Variants in SLIT2 observed in about 807,000 individuals in gnomAD.
SLIT2 encodes slit guidance ligand 2.
In SLIT2, 41 loss-of-function variants were observed where a neutral mutation model predicts 185.7. That is an observed-to-expected ratio of 0.22 (90% CI 0.17 to 0.29). The LOEUF is 0.29. SLIT2 is among the 10% of genes least tolerant of loss of function. The probability of loss-of-function intolerance (pLI) is 1.00; values close to 1 mark genes in which losing one functional copy is unlikely to be tolerated. For missense variants in SLIT2, 1,571 were observed against 1,909.0 expected (o/e 0.82, Z 3.30); for synonymous variants, 693 against 680.2 (o/e 1.02, Z -0.29).
chr4:20,587,719 GCAGAGTCC>G (rs1449454657), intron 29 of SLIT2, among the ~76,000 whole-genome samples: 1 of 152,168 alleles, frequency 6.6e-6, no homozygotes, highest in Non-Finnish European at 1.5e-5. Flanking sequence ...CTGATTAGGA[GCAGAGTCC>G]ATTACATTCA....
At chr4:20,300,579 C>T (rs983516187) in intron 4 of SLIT2, among the ~76,000 whole-genome samples, 2 of 149,416 alleles carry the variant, frequency 1.3e-5, no homozygotes, top group Non-Finnish European at 3.0e-5. Context: ...TTAGTTGTCT[C>T]GCACATGTAG....
At chr4:20,384,110 A>G (rs1724751263) in intron 4 of SLIT2, among the ~76,000 whole-genome samples, 1 of 152,052 alleles carries the variant, frequency 6.6e-6, no homozygotes, top group African/African-American at 2.4e-5. Context: ...TTAACAAAAA[A>G]TAATAGTCAA....
At chr4:20,332,864 C>CCTTACCAAACTTATACCAAA (rs1720187296) in intron 4 of SLIT2, among the ~76,000 whole-genome samples, 1 of 151,794 alleles carries the variant, frequency 6.6e-6, no homozygotes, top group African/African-American at 2.4e-5. Flanking sequence ...CCATTCTGGA[C>CCTTACCAAACTTATACCAAA]GTGGCATAAG....
intron 29 of SLIT2, among the ~76,000 whole-genome samples, chr4:20,578,975 G>T (rs1285344798): frequency 1.3e-5 from 2 of 152,080 alleles, no homozygotes; most frequent in Admixed American, 6.6e-5. Context: ...CCATTGCCCA[G>T]ATTTCTTGGT....
At chr4:20,446,636 G>A (rs939363388) in intron 4 of SLIT2, among the ~76,000 whole-genome samples, 4 of 151,860 alleles carry the variant, frequency 2.6e-5, no homozygotes, top group African/African-American at 9.7e-5. Context: ...AGAAATAAAA[G>A]AAAATATGCA....
intron 4 of SLIT2, among the ~76,000 whole-genome samples, chr4:20,326,419 A>G (rs1481744302): frequency 1.3e-5 from 2 of 152,154 alleles, no homozygotes; most frequent in South Asian, 2.1e-4. Flanking sequence ...GAACCCTTCC[A>G]TAGGCCCTAA....
intron 4 of SLIT2, among the ~76,000 whole-genome samples, chr4:20,270,544 T>C (rs1713492416): frequency 6.6e-6 from 1 of 151,998 alleles, no homozygotes; most frequent in Non-Finnish European, 1.5e-5. Context: ...CATTTCCTAA[T>C]TAATTAAATG....
chr4:20,588,219 C>T (rs987558675), intron 29 of SLIT2, among the ~76,000 whole-genome samples: 1 of 152,184 alleles, frequency 6.6e-6, no homozygotes, highest in Non-Finnish European at 1.5e-5. Context: ...ATGAGACTTA[C>T]TGTGCAATTA....
At chr4:20,564,278 A>G (rs899490875) in intron 26 of SLIT2, among the ~76,000 whole-genome samples, 7 of 151,790 alleles carry the variant, frequency 4.6e-5, no homozygotes, top group African/African-American at 1.7e-4. Context: ...AAATATGGAC[A>G]GGGAGATGAA....
chr4:20,327,893 G>A (rs1238785008), intron 4 of SLIT2, among the ~76,000 whole-genome samples: 2 of 151,930 alleles, frequency 1.3e-5, no homozygotes, highest in African/African-American at 4.8e-5. Flanking sequence ...TTGCAAATTT[G>A]GACTTTTGAA....
intron 4 of SLIT2, among the ~76,000 whole-genome samples, chr4:20,359,580 G>T (rs778485098): frequency 2.6e-5 from 4 of 151,928 alleles, no homozygotes; most frequent in Non-Finnish European, 5.9e-5. Context: ...CTTTGTCTAG[G>T]GATCTTAGAC....
intron 7 of SLIT2, among the ~76,000 whole-genome samples, chr4:20,487,967 T>G (rs1368649335): frequency 6.6e-6 from 1 of 152,202 alleles, no homozygotes; most frequent in Non-Finnish European, 1.5e-5. Flanking sequence ...GTGTCATAGA[T>G]GGTTCTGGGA....
At chr4:20,513,360 A>C (rs896951641) in intron 11 of SLIT2, among the ~76,000 whole-genome samples, 1 of 152,350 alleles carries the variant, frequency 6.6e-6, no homozygotes, top group East Asian at 1.9e-4. Flanking sequence ...TTTTAGAGAA[A>C]GCCCACGTGT....
intron 18 of SLIT2, among the ~76,000 whole-genome samples, chr4:20,537,353 T>C (rs1560175221): frequency 6.7e-6 from 1 of 150,140 alleles, no homozygotes; most frequent in Non-Finnish European, 1.5e-5. Flanking sequence ...TGCAATCTTA[T>C]TGGACAACTT....
chr4:20,485,448 G>A (rs545570193), intron 6 of SLIT2, among the ~76,000 whole-genome samples: 2 of 152,142 alleles, frequency 1.3e-5, no homozygotes, highest in East Asian at 1.9e-4. Flanking sequence ...TTGCACTGGG[G>A]GAAAAGTAAG....
At chr4:20,557,711 A>G (rs542120195) in intron 26 of SLIT2, among the ~76,000 whole-genome samples, 2 of 152,212 alleles carry the variant, frequency 1.3e-5, no homozygotes, top group East Asian at 3.9e-4. Flanking sequence ...TTATAAGGCT[A>G]CAGCAGCTGT....
intron 19 of SLIT2, 108 bp downstream of exon 19, chr4:20,539,692 G>T: frequency 2.7e-6 from 2 of 749,226 alleles, no homozygotes; most frequent in Non-Finnish European, 3.8e-6. Flanking sequence ...AAGGGTTTTA[G>T]GACTTAAAAA....
chr4:20,254,225 G>A lies in SLIT2; in HGVS notation c.179+231G>A, dbSNP rs1319186528. Among the ~76,000 whole-genome samples the A allele has an allele frequency of 6.6e-6, 1 of 152,094 alleles. No individual in the cohort carries two copies. Among genetic ancestry groups the A allele is most frequent in the South Asian group, 2.1e-4 (1 of 4,830 alleles). On this transcript the variant is annotated intron_variant, in intron 1 of 36. Coordinates refer to ENST00000504154, the MANE Select transcript of SLIT2 (RefSeq NM_004787.4). The surrounding 1 kb of genome is among the most constrained non-coding windows in gnomAD (Gnocchi z 5.1). The stretch of plus-strand genomic sequence containing the variant: ...CGCTAGTTCTCCCTCCCCTGCTCTC[G>A]TCCCGCCACTCGCAGCTCCTTGCTG...
chr4:20,324,710 A>G (rs1719409120), intron 4 of SLIT2, among the ~76,000 whole-genome samples: 1 of 152,152 alleles, frequency 6.6e-6, no homozygotes, highest in Non-Finnish European at 1.5e-5. Context: ...TCCATAATAT[A>G]TATACTTCAA....
Sources: gnomAD v4.1 joint callset for allele counts (sites outside exome capture counted in the v4.1 genomes callset) on GRCh38, gnomAD v4.1.1 for gene constraint, Gnocchi (gnomAD v3.1) non-coding constraint, MANE v1.5 for transcripts, NCBI Gene and HGNC (gene_info 2026-07-23, HGNC 2026-07-21) for gene names.